The following CCDC126 variants were observed in gnomAD, a reference collection of about 807,000 sequenced individuals.
CCDC126 encodes coiled-coil domain containing 126.
A neutral mutation model predicts 11.7 loss-of-function variants in CCDC126; 5 were observed. That is an observed-to-expected ratio of 0.43 (90% CI 0.22 to 0.90). CCDC126 has a LOEUF of 0.90. Among genes scored for constraint, CCDC126 ranks in the 40% least tolerant of loss-of-function variants. The probability of loss-of-function intolerance (pLI) is 0.27; values close to 1 mark genes in which losing one functional copy is unlikely to be tolerated. For missense variants in CCDC126, 150 were observed against 163.1 expected (o/e 0.92, Z 0.44); for synonymous variants, 60 against 61.9 (o/e 0.97, Z 0.14).
At chr7:23,632,769 T>C (rs2128020883) in intron 3 of CCDC126, among the ~76,000 whole-genome samples, 1 of 152,344 alleles carries the variant, frequency 6.6e-6, no homozygotes, top group East Asian at 1.9e-4. Context: ...GTGGTCCTTG[T>C]ATTCCAGATA....
chr7:23,627,192 T>G (rs558672206), intron 3 of CCDC126, among the ~76,000 whole-genome samples: 6 of 152,250 alleles, frequency 3.9e-5, no homozygotes, highest in Non-Finnish European at 7.4e-5. Context: ...GGCTTTCCTC[T>G]TTATCAGTGT....
intron 3 of CCDC126, among the ~76,000 whole-genome samples, chr7:23,635,899 A>C (rs1783200206): frequency 6.6e-6 from 1 of 151,174 alleles, no homozygotes; most frequent in Non-Finnish European, 1.5e-5. Flanking sequence ...CCCTCTCCCC[A>C]CGGTCTCCTT....
chr7:23,606,580 C>T (rs1301169517), intron 2 of CCDC126, among the ~76,000 whole-genome samples: 1 of 151,980 alleles, frequency 6.6e-6, no homozygotes, highest in Non-Finnish European at 1.5e-5. Flanking sequence ...ACTCTGTTGC[C>T]CTTCTTCAGG....
chr7:23,603,446 C>T (rs1051444808), intron 2 of CCDC126, among the ~76,000 whole-genome samples: 7 of 152,186 alleles, frequency 4.6e-5, no homozygotes, highest in Non-Finnish European at 1.0e-4. Flanking sequence ...CAGTTTATTC[C>T]GTATTTACAA....
chr7:23,614,216 T>C (rs1782760180), intron 3 of CCDC126, among the ~76,000 whole-genome samples: 1 of 152,264 alleles, frequency 6.6e-6, no homozygotes, highest in Admixed American at 6.5e-5. Context: ...ACTGCTGCCT[T>C]GTCAATAAAG....
At chr7:23,603,103 C>A (rs2128014000) in intron 2 of CCDC126, among the ~76,000 whole-genome samples, 1 of 152,250 alleles carries the variant, frequency 6.6e-6, no homozygotes, top group Non-Finnish European at 1.5e-5. Flanking sequence ...ATTCTTTTTT[C>A]TGGAAGTGTG....
intron 3 of CCDC126, among the ~76,000 whole-genome samples, chr7:23,636,533 AGCGCCTCTGCTGGGCCGC>A: frequency 7.7e-6 from 1 of 130,266 alleles, no homozygotes; most frequent in African/African-American, 3.1e-5. Context: ...GGATGTGAGG[AGCGCCTCTGCTGGGCCGC>A]AACCCTGTCT....
rs572117833 is a variant in CCDC126 at position 23,619,850 on chromosome 7, C to T, written c.238+8297C>T. 5.6e-3 allele frequency among the ~76,000 whole-genome samples: 844 copies of T among 150,806 alleles called. 9 individuals carry two copies. Among genetic ancestry groups the T allele is most frequent in the African/African-American group, 0.02 (804 of 40,998 alleles). On this transcript the variant is annotated intron_variant, in intron 3 of 3. Transcript: ENST00000307471. The stretch of plus-strand genomic sequence containing the variant: ...TGCGGTGTTTGGTTTTCTGTCCTTG[C>T]GATAGTTTGCTGAGAATGATGGTTT...
At chr7:23,608,886 G>C (rs1782661177) in intron 2 of CCDC126, among the ~76,000 whole-genome samples, 1 of 152,156 alleles carries the variant, frequency 6.6e-6, no homozygotes. Flanking sequence ...AGGATAATTT[G>C]GTAGGTAGGG....
intron 2 of CCDC126, chr7:23,604,191 C>T (rs577297700): frequency 6.6e-6 from 1 of 152,282 alleles, no homozygotes; most frequent in South Asian, 2.1e-4. Context: ...TTCATGTTGT[C>T]CACAAATTCT....
At chr7:23,603,330 G>C (rs1782572064) in intron 2 of CCDC126, among the ~76,000 whole-genome samples, 1 of 152,186 alleles carries the variant, frequency 6.6e-6, no homozygotes, top group African/African-American at 2.4e-5. Context: ...TAATAATTTA[G>C]TGAATAGTTC....
intron 2 of CCDC126, among the ~76,000 whole-genome samples, chr7:23,600,485 A>G (rs1782522080): frequency 6.9e-6 from 1 of 144,350 alleles, no homozygotes; most frequent in Non-Finnish European, 1.5e-5. Flanking sequence ...TCTGTGGAGG[A>G]CTTTTTTTTG....
intron 3 of CCDC126, among the ~76,000 whole-genome samples, chr7:23,623,170 A>G (rs1782953175): frequency 6.9e-6 from 1 of 145,778 alleles, no homozygotes; most frequent in Non-Finnish European, 1.5e-5. Context: ...TATTTTTAGT[A>G]GAGACAAAAA....
At chr7:23,640,377 A>G (rs1053556074) in intron 3 of CCDC126, among the ~76,000 whole-genome samples, 9 of 151,446 alleles carry the variant, frequency 5.9e-5, no homozygotes, top group Admixed American at 3.9e-4. Context: ...CATGCCTGTA[A>G]TCCCAGCTAC....
rs3219575 is a variant in CCDC126, at chr7:23,605,399, TTGTGTGTGTGTGTGTGTGTG to T, written c.-145-5747_-145-5728del. ...TTTTAAGCAGGAGAATGTGATATGCTTGTGTGTGTGTGTGTGTGTGTGTGTGTGTGTGTGTGTGTGTGTGG... is the reference window on the plus strand; with the variant it reads ...TTTTAAGCAGGAGAATGTGATATGCTTGTGTGTGTGTGTGTGTGTGTGTGG... On this transcript the variant is annotated intron_variant, in intron 2 of 3. Transcript: ENST00000307471. Among the ~76,000 whole-genome samples the T allele has an allele frequency of 5.2e-4, 77 of 148,944 alleles. No homozygotes were observed. The Middle Eastern group carries it at 0.014, about 26-fold the overall frequency.
intron 3 of CCDC126, among the ~76,000 whole-genome samples, chr7:23,618,914 A>T (rs1025937249): frequency 2.0e-5 from 3 of 152,042 alleles, no homozygotes; most frequent in Non-Finnish European, 4.4e-5. Flanking sequence ...CTCTAATATC[A>T]GTATATTTAG....
chr7:23,632,338 C>T (rs1304683180), intron 3 of CCDC126, among the ~76,000 whole-genome samples: 2 of 152,172 alleles, frequency 1.3e-5, no homozygotes, highest in Admixed American at 6.6e-5. Context: ...TCAAGTGATC[C>T]GCCCGCCTTG....
At chr7:23,640,288 G>C (rs985400172) in intron 3 of CCDC126, among the ~76,000 whole-genome samples, 1 of 151,392 alleles carries the variant, frequency 6.6e-6, no homozygotes, top group African/African-American at 2.4e-5. Flanking sequence ...ACCTGAGATC[G>C]GGAGTTCGAG....
chr7:23,631,634 A>G (rs912403650), intron 3 of CCDC126, among the ~76,000 whole-genome samples: 1 of 151,978 alleles, frequency 6.6e-6, no homozygotes, highest in African/African-American at 2.4e-5. Flanking sequence ...GGTGGTGTGC[A>G]CCTGTAATCC....
Sources: allele counts gnomAD v4.1 joint callset (sites outside exome capture counted in the v4.1 genomes callset), GRCh38; gene constraint gnomAD v4.1.1; transcripts MANE v1.5; gene names NCBI Gene and HGNC (gene_info 2026-07-23, HGNC 2026-07-21).